The following CAST variants were observed in gnomAD, a reference collection of about 807,000 sequenced individuals.
CAST encodes calpastatin.
In CAST, 76 loss-of-function variants were observed where a neutral mutation model predicts 119.6. The observed-to-expected ratio is 0.64, with a 90% confidence interval of 0.53 to 0.77. The LOEUF (loss-of-function observed/expected upper bound fraction) is 0.77, where lower values mean the gene tolerates loss of function less well. Among genes scored for constraint, CAST ranks in the 30% least tolerant of loss-of-function variants. CAST has a pLI of 0.00. For missense variants in CAST, 953 were observed against 946.5 expected (o/e 1.01, Z -0.09); for synonymous variants, 319 against 331.6 (o/e 0.96, Z 0.41).
chr5:96,486,251 C>T, the CAST span, among the ~76,000 whole-genome samples: 19 of 152,208 alleles, frequency 1.2e-4, no homozygotes, highest in South Asian at 2.1e-3. Flanking sequence ...AGTATGGCAA[C>T]GTACAGCCCC....
chr5:95,986,706 T>C, the CAST span, among the ~76,000 whole-genome samples: 1 of 152,186 alleles, frequency 6.6e-6, no homozygotes, highest in African/African-American at 2.4e-5. Flanking sequence ...AGTGCAAAGG[T>C]TCTGAAGGGA....
the CAST span, among the ~76,000 whole-genome samples, chr5:96,516,769 C>G: frequency 2.0e-4 from 31 of 152,322 alleles, no homozygotes; most frequent in African/African-American, 7.2e-4. Context: ...AAACGCACTT[C>G]TACTTCTAAC....
intron 1 of CAST, among the ~76,000 whole-genome samples, chr5:96,564,297 G>C (rs1481588029): frequency 6.6e-6 from 1 of 152,172 alleles, no homozygotes; most frequent in African/African-American, 2.4e-5. Context: ...AATTACAACA[G>C]ATGAATCTCT....
upstream of CAST, chr5:96,662,333 C>A: frequency 5.3e-6 from 6 of 1,134,154 alleles, no homozygotes; most frequent in South Asian, 2.1e-5. Context: ...CCCTCCCTCC[C>A]TCCCTCTCTC....
upstream of CAST, chr5:96,529,798 C>T (rs1022567652): frequency 4.6e-6 from 2 of 437,036 alleles, no homozygotes; most frequent in East Asian, 8.0e-5. Flanking sequence ...GCTGGGCATT[C>T]ATTCTGTCTT....
the CAST span, among the ~76,000 whole-genome samples, chr5:95,995,403 T>TAA: frequency 7.9e-5 from 12 of 152,284 alleles, no homozygotes; most frequent in Admixed American, 7.8e-4. Flanking sequence ...GATTCATGTA[T>TAA]AATGTTTTGA....
At chr5:96,289,067 C>G in the CAST span, among the ~76,000 whole-genome samples, 1 of 151,226 alleles carries the variant, frequency 6.6e-6, no homozygotes. Context: ...CTGCTGCTTT[C>G]CCACAATGCT....
chr5:96,100,655 A>C, the CAST span, among the ~76,000 whole-genome samples: 1 of 151,922 alleles, frequency 6.6e-6, no homozygotes, highest in Non-Finnish European at 1.5e-5. Flanking sequence ...TATCTTCTTC[A>C]TTTTTCTTAC....
the CAST span, among the ~76,000 whole-genome samples, chr5:96,287,473 T>A: frequency 6.6e-6 from 1 of 152,078 alleles, no homozygotes; most frequent in African/African-American, 2.4e-5. Flanking sequence ...CCTATATTTT[T>A]CCAAGGTGTG....
At chr5:96,462,549 CAATA>C in the CAST span, among the ~76,000 whole-genome samples, 4 of 152,000 alleles carry the variant, frequency 2.6e-5, no homozygotes, top group Non-Finnish European at 5.9e-5. Flanking sequence ...AGTAAATAAT[CAATA>C]AATATTCATC....
chr5:96,331,868 A>G, the CAST span, among the ~76,000 whole-genome samples: 2 of 152,228 alleles, frequency 1.3e-5, no homozygotes, highest in African/African-American at 4.8e-5. Context: ...GCCTTAGATG[A>G]TAGTGATATG....
the CAST span, among the ~76,000 whole-genome samples, chr5:96,461,115 T>C: frequency 6.6e-6 from 1 of 152,146 alleles, no homozygotes; most frequent in Non-Finnish European, 1.5e-5. Context: ...TCATACAATA[T>C]ATGGCATTTT....
chr5:95,985,313 C>G, the CAST span, among the ~76,000 whole-genome samples: 2 of 152,098 alleles, frequency 1.3e-5, no homozygotes, highest in East Asian at 1.9e-4. Context: ...GACCTTGTCT[C>G]TAAAAGAAAC....
At chr5:96,532,551 C>CA (rs1358972560) in intron 1 of CAST, among the ~76,000 whole-genome samples, 1 of 152,038 alleles carries the variant, frequency 6.6e-6, no homozygotes, top group Non-Finnish European at 1.5e-5. Flanking sequence ...CCTGTCCATA[C>CA]AAAAAATTTA....
the CAST span, chr5:96,392,522 C>T: frequency 3.0e-5 from 5 of 168,570 alleles, no homozygotes; most frequent in Admixed American, 1.7e-4. Flanking sequence ...CAGTGAACTC[C>T]TTCATTAGGC....
the CAST span, among the ~76,000 whole-genome samples, chr5:96,514,492 T>C: frequency 6.6e-6 from 1 of 152,230 alleles, no homozygotes; most frequent in African/African-American, 2.4e-5. Context: ...TCCAAATATC[T>C]GGAAGGGTAT....
the CAST span, among the ~76,000 whole-genome samples, chr5:96,421,590 C>G: frequency 6.6e-6 from 1 of 152,128 alleles, no homozygotes; most frequent in Non-Finnish European, 1.5e-5. Flanking sequence ...AAAGTGTGTA[C>G]TCTTTATGTC....
the CAST span, among the ~76,000 whole-genome samples, chr5:96,501,607 C>T: frequency 6.6e-6 from 1 of 152,110 alleles, no homozygotes; most frequent in South Asian, 2.1e-4. Flanking sequence ...TCTATATACA[C>T]CAAATAAATC....
the CAST span, among the ~76,000 whole-genome samples, chr5:96,169,510 C>T: frequency 2.0e-5 from 3 of 151,992 alleles, no homozygotes; most frequent in Non-Finnish European, 4.4e-5. Context: ...AAGACTTGTC[C>T]GGTTTTTGGA....
Sources: allele counts gnomAD v4.1 joint callset (sites outside exome capture counted in the v4.1 genomes callset), GRCh38; gene constraint gnomAD v4.1.1; transcripts MANE v1.5; gene names NCBI Gene and HGNC (gene_info 2026-07-23, HGNC 2026-07-21).